CPPED1: variants seen among roughly 807,000 people sequenced by gnomAD.
CPPED1 encodes serine/threonine-protein phosphatase CPPED1.
CPPED1 carries 28 observed loss-of-function variants against 28.0 expected under a neutral mutation model. The ratio of observed to expected loss-of-function variants is 1.00; its 90% CI spans 0.74 to 1.37. CPPED1 has a LOEUF of 1.37. Ranked by LOEUF, CPPED1 falls within the 40% of genes most tolerant of loss-of-function variation. The pLI, the probability that CPPED1 is intolerant of heterozygous loss-of-function variation, is 0.00. For synonymous variants in CPPED1, 198 were observed against 180.2 expected, an observed-to-expected ratio of 1.10 and a Z score of -0.79; for missense variants, 504 against 416.5, an observed-to-expected ratio of 1.21 and a Z score of -1.83.
chr16:12,719,253 C>T lies in CPPED1; in HGVS notation c.290-14204G>A, dbSNP rs1305275484. Among the ~76,000 whole-genome samples, 17 of 151,526 alleles carry T rather than the reference C, an allele frequency of 1.1e-4. 1 individual carries two copies. The highest frequency in any genetic ancestry group is 1.9e-4 in the Non-Finnish European group (13 of 67,848). On this transcript the variant is annotated intron_variant, in intron 2 of 3. Coordinates refer to ENST00000381774, the MANE Select transcript of CPPED1 (RefSeq NM_018340.3). Reference sequence around the variant, plus strand: ...AAAAACACAAAAAATTAGCCAGGTGCGGTGGCGGGCGCCTGTAGTCCCAGC... The same window carrying T: ...AAAAACACAAAAAATTAGCCAGGTGTGGTGGCGGGCGCCTGTAGTCCCAGC...
chr16:12,725,297 G>T (rs562047694), intron 2 of CPPED1, among the ~76,000 whole-genome samples: 1 of 152,250 alleles, frequency 6.6e-6, no homozygotes, highest in Admixed American at 6.5e-5. Context: ...GTTTTGCCAT[G>T]TTGGCCAGGG....
chr16:12,766,196 C>A (rs1266924522), intron 2 of CPPED1, among the ~76,000 whole-genome samples: 5 of 148,700 alleles, frequency 3.4e-5, no homozygotes, highest in African/African-American at 1.3e-4. Flanking sequence ...AGTTCGAGAC[C>A]AGCCTGGCCA....
At chr16:12,742,038 C>A (rs185800235) in intron 2 of CPPED1, among the ~76,000 whole-genome samples, 1 of 151,934 alleles carries the variant, frequency 6.6e-6, no homozygotes, top group East Asian at 1.9e-4. Flanking sequence ...TGCACTCCAG[C>A]CTAGGTGACA....
Position 12,757,175 on chromosome 16 carries a change from T to C in CPPED1, c.289+24010A>G, listed in dbSNP as rs146003275. 8.9e-3 allele frequency among the ~76,000 whole-genome samples: 1,359 copies of C among 152,052 alleles called. 11 individuals are homozygous for C. The highest frequency in any genetic ancestry group is 0.026 in the South Asian group (126 of 4,822). On this transcript the variant is annotated intron_variant, in intron 2 of 3. Transcript: ENST00000381774. ...ACCTCGAGGGTGACCAACTAAGTTA[T>C]AGCACCTCGAGGGTGACCAACAAAG... is the stretch of plus-strand genomic sequence containing the variant.
At chr16:12,731,421 G>A (rs1017788115) in intron 2 of CPPED1, among the ~76,000 whole-genome samples, 1 of 151,540 alleles carries the variant, frequency 6.6e-6, no homozygotes, top group Non-Finnish European at 1.5e-5. Flanking sequence ...AGAGGCAGCA[G>A]AGACTGCTGG....
chr16:12,692,526 A>G (rs1341202684), intron 3 of CPPED1, among the ~76,000 whole-genome samples: 3 of 152,164 alleles, frequency 2.0e-5, no homozygotes, highest in Non-Finnish European at 1.5e-5. Context: ...TGATCCCCAC[A>G]AAACCCACCG....
At chr16:12,769,349 T>C (rs1395090425) in intron 2 of CPPED1, among the ~76,000 whole-genome samples, 5 of 152,082 alleles carry the variant, frequency 3.3e-5, no homozygotes. Context: ...TATTTAGAAA[T>C]ATTATTCTGA....
In CPPED1 at chr16:12,721,074, A is replaced by C. The variant is rs543906927; in HGVS notation, c.290-16025T>G. On this transcript the variant is annotated intron_variant, in intron 2 of 3. Coordinates refer to ENST00000381774, the MANE Select transcript of CPPED1 (RefSeq NM_018340.3). ...TTTAATATACTACAATTTATCGTTT[A>C]CTGGGAACCCAGGTGGAGTGACTTC... Among the ~76,000 whole-genome samples the C allele has an allele frequency of 2.0e-5, 3 of 152,306 alleles. No individual in the cohort carries two copies. The South Asian group carries it at 6.2e-4, about 32-fold the overall frequency.
At chr16:12,761,830 GC>G (rs1194781498) in intron 2 of CPPED1, among the ~76,000 whole-genome samples, 1 of 152,118 alleles carries the variant, frequency 6.6e-6, no homozygotes, top group African/African-American at 2.4e-5. Context: ...GGCCAACATG[GC>G]AAAACCTTAC....
intron 3 of CPPED1, among the ~76,000 whole-genome samples, chr16:12,677,257 T>A (rs1357419261): frequency 1.3e-5 from 2 of 152,306 alleles, no homozygotes; most frequent in Middle Eastern, 6.8e-3. Flanking sequence ...GATTCTGGCT[T>A]GGCTAGAGGA....
At chr16:12,688,434 G>C (rs1160674401) in intron 3 of CPPED1, among the ~76,000 whole-genome samples, 2 of 149,894 alleles carry the variant, frequency 1.3e-5, no homozygotes, top group Admixed American at 1.3e-4. Flanking sequence ...TTCCTGGGTT[G>C]AAGTGATTAT....
intron 1 of CPPED1, among the ~76,000 whole-genome samples, chr16:12,781,691 C>G (rs562853982): frequency 6.6e-6 from 1 of 152,098 alleles, no homozygotes; most frequent in African/African-American, 2.4e-5. Context: ...AAAGGAAGCA[C>G]GGGCCACAAG....
chr16:12,761,682 A>G (rs1035206288), intron 2 of CPPED1, among the ~76,000 whole-genome samples: 2 of 152,314 alleles, frequency 1.3e-5, no homozygotes, highest in African/African-American at 2.4e-5. Flanking sequence ...CTATTTTCCA[A>G]AAGTTTGGGC....
At chr16:12,789,711 G>A (rs2080585057) in intron 1 of CPPED1, among the ~76,000 whole-genome samples, 1 of 152,028 alleles carries the variant, frequency 6.6e-6, no homozygotes, top group East Asian at 1.9e-4. Context: ...ATTTTTGGTA[G>A]AGACGGGGTT....
At chr16:12,676,329 C>T (rs2079877574) in intron 3 of CPPED1, among the ~76,000 whole-genome samples, 1 of 152,160 alleles carries the variant, frequency 6.6e-6, no homozygotes, top group South Asian at 2.1e-4. Flanking sequence ...AACTCAAGGT[C>T]TATAGCCAGG....
intron 2 of CPPED1, among the ~76,000 whole-genome samples, chr16:12,717,324 C>T (rs1430977834): frequency 2.6e-5 from 4 of 152,180 alleles, no homozygotes; most frequent in African/African-American, 7.2e-5. Flanking sequence ...AGTGCAGCGG[C>T]GCCATCTCGG....
intron 2 of CPPED1, among the ~76,000 whole-genome samples, chr16:12,771,086 G>C (rs541196676): frequency 6.6e-6 from 1 of 152,064 alleles, no homozygotes; most frequent in Non-Finnish European, 1.5e-5. Context: ...AAAAAGATCC[G>C]TATCTACCCT....
intron 2 of CPPED1, among the ~76,000 whole-genome samples, chr16:12,748,638 C>A (rs1317581652): frequency 6.6e-6 from 1 of 152,136 alleles, no homozygotes; most frequent in Non-Finnish European, 1.5e-5. Context: ...GTAATCCCAG[C>A]ACTTTGGAAG....
chr16:12,787,215 A>G (rs907135783), intron 1 of CPPED1, among the ~76,000 whole-genome samples: 2 of 152,184 alleles, frequency 1.3e-5, no homozygotes, highest in Admixed American at 1.3e-4. Context: ...AGAAAAAAGA[A>G]TTGATTAAGA....
Sources: gnomAD v4.1 joint callset for allele counts (sites outside exome capture counted in the v4.1 genomes callset) on GRCh38, gnomAD v4.1.1 for gene constraint, MANE v1.5 for transcripts, NCBI Gene and HGNC (gene_info 2026-07-23, HGNC 2026-07-21) for gene names.